The following PCDH15 variants were observed in gnomAD, a reference collection of about 807,000 sequenced individuals.
PCDH15 encodes protocadherin related 15.
In PCDH15, 129 loss-of-function variants were observed where a neutral mutation model predicts 178.5. The ratio of observed to expected loss-of-function variants is 0.72; its 90% CI spans 0.63 to 0.84. The LOEUF (loss-of-function observed/expected upper bound fraction) is 0.84, where lower values mean the gene tolerates loss of function less well. Among genes scored for constraint, PCDH15 ranks in the 40% least tolerant of loss-of-function variants. PCDH15 has a pLI of 0.00. For missense variants in PCDH15, 2,230 were observed against 2,099.9 expected (o/e 1.06, Z -1.21); for synonymous variants, 800 against 732.0 (o/e 1.09, Z -1.50).
intron 2 of PCDH15, among the ~76,000 whole-genome samples, chr10:54,911,040 A>G (rs1412349091): frequency 6.6e-6 from 1 of 152,224 alleles, no homozygotes; most frequent in Admixed American, 6.5e-5. Flanking sequence ...ACAAGAATGG[A>G]ATGAAAATAG....
In PCDH15 at chr10:53,822,000, C is replaced by A. The variant is rs145851144; in HGVS notation, c.4368-1770G>T. On this transcript the variant is annotated intron_variant, in intron 32 of 37. Transcript: ENST00000644397. Reference sequence around the variant, plus strand: ...AGTTTGAAGTTCTGAAACATTTGTGCGTAGATAGTTTTTTTCTATTTGACT... The same window carrying A: ...AGTTTGAAGTTCTGAAACATTTGTGAGTAGATAGTTTTTTTCTATTTGACT... 51 of 1,613,720 alleles carry A rather than the reference C, an allele frequency of 3.2e-5. No individual in the cohort carries two copies. In the East Asian group the frequency reaches 1.0e-3, roughly 33 times the overall value.
chr10:54,802,969 A>G (rs947643483), upstream of PCDH15, among the ~76,000 whole-genome samples: 5 of 152,202 alleles, frequency 3.3e-5, no homozygotes, highest in African/African-American at 1.2e-4. Flanking sequence ...AAAGTAAATT[A>G]CAATATCTAG....
chr10:55,168,231 C>G (rs981790217), intron 1 of PCDH15, among the ~76,000 whole-genome samples: 1 of 152,150 alleles, frequency 6.6e-6, no homozygotes, highest in Non-Finnish European at 1.5e-5. Flanking sequence ...ACCACCACCC[C>G]TATCCCCGAC....
At chr10:54,677,788 C>T (rs1256400140) in intron 1 of PCDH15, among the ~76,000 whole-genome samples, 2 of 152,026 alleles carry the variant, frequency 1.3e-5, no homozygotes, top group Non-Finnish European at 1.5e-5. Context: ...GCCAAGGAAA[C>T]GCAGCTTTAT....
intron 2 of PCDH15, among the ~76,000 whole-genome samples, chr10:55,092,413 A>G (rs569333964): frequency 1.3e-5 from 2 of 151,902 alleles, no homozygotes; most frequent in Admixed American, 1.3e-4. Flanking sequence ...TGAAGAAAAC[A>G]TGCTATTCTT....
chr10:55,175,663 C>CA (rs71014459), intron 1 of PCDH15, among the ~76,000 whole-genome samples: 2,824 of 106,494 alleles, frequency 0.027, 58 homozygotes, highest in African/African-American at 0.036. Context: ...GACTCTGTCT[C>CA]AAAAAAAAAA....
chr10:55,531,747 C>A (rs1230320421), intron 2 of PCDH15, among the ~76,000 whole-genome samples: 5 of 151,990 alleles, frequency 3.3e-5, no homozygotes, highest in African/African-American at 1.2e-4. Flanking sequence ...TTCTCACATT[C>A]ATGTCAATGA....
At chr10:54,218,267 C>T (rs761836480) in intron 9 of PCDH15, among the ~76,000 whole-genome samples, 24 of 150,702 alleles carry the variant, frequency 1.6e-4, no homozygotes, top group Non-Finnish European at 3.4e-4. Context: ...GCATTGAGCA[C>T]TAAATGCTGC....
Position 55,275,936 on chromosome 10 carries a change from T to C in PCDH15, c.-156+43663A>G, listed in dbSNP as rs148901175. 6.1e-4 allele frequency among the ~76,000 whole-genome samples: 93 copies of C among 151,612 alleles called. 2 individuals carry two copies. Among genetic ancestry groups the C allele is most frequent in the African/African-American group, 2.1e-3 (89 of 41,446 alleles). On this transcript the variant is annotated intron_variant, in intron 1 of 5. Coordinates refer to the PCDH15 transcript ENST00000458638. Reference sequence around the variant, plus strand: ...TATAAATATTTAGCTCTTCTTCAGGTATTTTCAATGAAGTTTTGTAATTTA... The same window carrying C: ...TATAAATATTTAGCTCTTCTTCAGGCATTTTCAATGAAGTTTTGTAATTTA...
chr10:54,917,093 C>T (rs557895111), intron 2 of PCDH15, among the ~76,000 whole-genome samples: 28 of 152,186 alleles, frequency 1.8e-4, no homozygotes, highest in Non-Finnish European at 3.5e-4. Flanking sequence ...GAAACAATGC[C>T]TATGGTACTG....
chr10:55,605,076 C>T (rs1214344625), intron 2 of PCDH15, among the ~76,000 whole-genome samples: 4 of 151,498 alleles, frequency 2.6e-5, no homozygotes, highest in Non-Finnish European at 5.9e-5. Flanking sequence ...CACCACCGAT[C>T]CCACAGAAAT....
intron 2 of PCDH15, among the ~76,000 whole-genome samples, chr10:55,517,322 G>T (rs1841041451): frequency 1.3e-5 from 2 of 152,014 alleles, no homozygotes; most frequent in Admixed American, 6.6e-5. Context: ...TTTGAGCACT[G>T]AAGTCCTATT....
intron 3 of PCDH15, among the ~76,000 whole-genome samples, chr10:54,498,079 G>C (rs571801736): frequency 3.3e-5 from 5 of 152,074 alleles, no homozygotes; most frequent in African/African-American, 1.2e-4. Flanking sequence ...AACATAAAAA[G>C]GGAACCCAAT....
At chr10:53,957,662 G>T (rs751686938) in intron 23 of PCDH15, among the ~76,000 whole-genome samples, 5 of 152,096 alleles carry the variant, frequency 3.3e-5, no homozygotes, top group Non-Finnish European at 7.4e-5. Flanking sequence ...TAAAACTTAC[G>T]AATTGTTTAT....
chr10:54,017,063 G>T (rs1196887585), intron 20 of PCDH15, among the ~76,000 whole-genome samples: 1 of 152,036 alleles, frequency 6.6e-6, no homozygotes, highest in African/African-American at 2.4e-5. Flanking sequence ...CACTTTTGTT[G>T]CCCGGGCTGG....
chr10:54,072,006 C>A lies in PCDH15; in HGVS notation c.2092-5121G>T, dbSNP rs193131655. 7.1e-3 allele frequency among the ~76,000 whole-genome samples: 1,086 copies of A among 152,020 alleles called. 11 individuals carry two copies. The highest frequency in any genetic ancestry group is 0.025 in the African/African-American group (1,019 of 41,508). On this transcript the variant is annotated intron_variant, in intron 17 of 37. Coordinates refer to ENST00000644397, the MANE Select transcript of PCDH15 (RefSeq NM_001384140.1). ...TCTATTTTTATTATAATTTGTACTA[C>A]ATGCTGAAATAAATTACCTTATAAC...
intron 1 of PCDH15, among the ~76,000 whole-genome samples, chr10:55,284,046 C>T (rs867427464): frequency 6.7e-6 from 1 of 149,386 alleles, no homozygotes; most frequent in Non-Finnish European, 1.5e-5. Flanking sequence ...ATGGAGTTCT[C>T]TTGTGAAACC....
intron 26 of PCDH15, among the ~76,000 whole-genome samples, chr10:53,874,869 C>T (rs1027287647): frequency 1.7e-4 from 25 of 151,326 alleles, no homozygotes; most frequent in Middle Eastern, 3.2e-3. Flanking sequence ...AAATGAGACT[C>T]GTTGAAAAGA....
At chr10:55,167,534 T>A (rs1287401037) in intron 1 of PCDH15, among the ~76,000 whole-genome samples, 1 of 152,198 alleles carries the variant, frequency 6.6e-6, no homozygotes, top group Admixed American at 6.6e-5. Context: ...AATAAATTAA[T>A]TTTATGATGA....
Sources: allele counts gnomAD v4.1 joint callset (sites outside exome capture counted in the v4.1 genomes callset), GRCh38; gene constraint gnomAD v4.1.1; transcripts MANE v1.5; gene names NCBI Gene and HGNC (gene_info 2026-07-23, HGNC 2026-07-21).